The following METTL25B variants were observed in gnomAD, a reference collection of about 807,000 sequenced individuals.
The protein encoded by METTL25B is methyltransferase-like protein 25B.
A neutral mutation model predicts 48.4 loss-of-function variants in METTL25B; 38 were observed. That is an observed-to-expected ratio of 0.78 (90% CI 0.61 to 1.03). The LOEUF (loss-of-function observed/expected upper bound fraction) is 1.03, where lower values mean the gene tolerates loss of function less well. Among genes scored for constraint, METTL25B ranks in the 50% least tolerant of loss-of-function variants. The pLI is 0.00. For synonymous variants in METTL25B, 230 were observed against 254.5 expected (o/e 0.90, Z 0.92); for missense variants, 537 against 603.7 (o/e 0.89, Z 1.16).
rs1369809260 is a variant in METTL25B at position 156,736,566 on chromosome 1, C to T, written c.1307-66C>T. On this transcript the variant is annotated intron_variant, in intron 7 of 7. Transcript: ENST00000368216. ...GGGGAAAAGGGACTATGCCTACAGG[C>T]CTGGGCAGAAGAGGCTGAGTGAGTT... 1.1e-5 allele frequency: 17 copies of T among 1,596,072 alleles called. No individual in the cohort carries two copies. The East Asian group carries it at 3.8e-4, about 36-fold the overall frequency.
intron 1 of METTL25B, among the ~76,000 whole-genome samples, chr1:156,730,963 TG>T (rs1649237556): frequency 6.6e-6 from 1 of 152,270 alleles, no homozygotes; most frequent in Non-Finnish European, 1.5e-5. Flanking sequence ...TTTCTTTACA[TG>T]CCTAGCACCT....
intron 1 of METTL25B, among the ~76,000 whole-genome samples, chr1:156,731,427 G>A (rs1649278118): frequency 6.6e-6 from 1 of 152,196 alleles, no homozygotes; most frequent in Non-Finnish European, 1.5e-5. Context: ...CCCGGCCAAA[G>A]TTATTATTTT....
intron 1 of METTL25B, among the ~76,000 whole-genome samples, chr1:156,731,267 G>GCACA (rs369784149): frequency 5.3e-5 from 8 of 152,324 alleles, no homozygotes; most frequent in African/African-American, 1.9e-4. Context: ...GGGATTACAG[G>GCACA]CGTGTGCCAA....
chr1:156,731,636 C>G (rs760401455), intron 1 of METTL25B, among the ~76,000 whole-genome samples: 1 of 152,234 alleles, frequency 6.6e-6, no homozygotes, highest in Non-Finnish European at 1.5e-5. Flanking sequence ...GTGTCAGTCA[C>G]TCTGGTAAGT....
At chr1:156,731,367 G>C (rs1278346982) in intron 1 of METTL25B, among the ~76,000 whole-genome samples, 1 of 152,086 alleles carries the variant, frequency 6.6e-6, no homozygotes, top group Non-Finnish European at 1.5e-5. Flanking sequence ...CAGGTGATCT[G>C]CCCGCCTTGG....
intron 1 of METTL25B, 43 bp downstream of exon 1, chr1:156,729,258 G>T: frequency 8.3e-7 from 1 of 1,208,014 alleles, no homozygotes. Context: ...TGGTCGTGTG[G>T]TTGGCTAGGT....
chr1:156,734,418 T>C lies in METTL25B; in HGVS notation c.1046T>C (p.Ile349Thr). 2 of 1,611,198 alleles carry C rather than the reference T, an allele frequency of 1.2e-6. No individual in the cohort carries two copies. Among genetic ancestry groups the C allele is most frequent in the East Asian group, 2.2e-5 (1 of 44,716 alleles). ...TACCGTGCAGCACTGGAGACAGTCA[T>C]CCGACGGGCCCGGCCCGAGCTCCGT... Reference protein sequence around the residue: ...HCYRAALETVIRRARPELRRP... With the variant: ...HCYRAALETVTRRARPELRRP... Residue 349 changes from isoleucine to threonine, a missense_variant, in exon 6 of 8, where the codon ATC becomes ACC. Physicochemically the swap from Ile to Thr is moderately conservative, Grantham distance 89. Coordinates refer to ENST00000368216, the MANE Select transcript of METTL25B (RefSeq NM_015997.4).
intron 3 of METTL25B, 69 bp downstream of exon 3, chr1:156,732,542 A>T (rs897027915): frequency 4.1e-6 from 6 of 1,472,748 alleles, no homozygotes; most frequent in Non-Finnish European, 5.6e-6. Flanking sequence ...GCTTACAAAT[A>T]TGTGTGCCCT....
chr1:156,731,212 C>G (rs974517570), intron 1 of METTL25B, among the ~76,000 whole-genome samples: 3 of 152,228 alleles, frequency 2.0e-5, no homozygotes, highest in Non-Finnish European at 4.4e-5. Context: ...CAGCCTCTGC[C>G]TCCAGGGTTC....
Position 156,732,107 on chromosome 1 carries a change from G to C in METTL25B, c.228G>C (p.Glu76Asp), listed in dbSNP as rs772762703. Residue 76 changes from glutamate (E) to aspartate (D), a missense_variant, in exon 2 of 8, where the codon GAG (glutamate) becomes GAC (aspartate). Glu to Asp is a conservative substitution (Grantham distance 45). Transcript: ENST00000368216. ...TMLLGMPGEG[E>D]VVRYRSVWPL... The stretch of plus-strand genomic sequence containing the variant: ...TGCTGGGGATGCCTGGGGAAGGGGA[G>C]GTCGTCAGGTATGGGCTAGAAGGTC... 4 of 1,614,224 alleles carry C rather than the reference G, an allele frequency of 2.5e-6. No individual in the cohort carries two copies.
rs775087790 is a variant in METTL25B at position 156,734,354 on chromosome 1, C to A, written c.982C>A (p.Arg328=). 2 of 1,614,060 alleles carry A rather than the reference C, an allele frequency of 1.2e-6. No individual in the cohort carries two copies. The highest frequency in any genetic ancestry group is 8.5e-7 in the Non-Finnish European group (1 of 1,179,968). The stretch of plus-strand genomic sequence containing the variant: ...CCATGCCCTGGAGGAATATGCTGAG[C>A]GGCTACAGAAAGCTGGCCCTGGCCT... ...ACHALEEYAE[R]LQKAGPGLRT... Residue 328 remains arginine, a synonymous_variant, in exon 6 of 8, where the codon CGG becomes AGG. Transcript: ENST00000368216.
chr1:156,731,993 A>AT lies in METTL25B; in HGVS notation c.119dup (p.Thr41HisfsTer97), dbSNP rs1175628919. On this transcript the variant is annotated frameshift_variant, in exon 2 of 8. Coordinates refer to ENST00000368216, the MANE Select transcript of METTL25B (RefSeq NM_015997.4). LOFTEE classifies it high-confidence loss of function. ...TGGCTTCTCCCCTTCTTCTGTAGGA[A>AT]TTTTTCACAGACAACCTATGGGACA... The AT allele has an allele frequency of 5.0e-6, 8 of 1,613,888 alleles. No individual in the cohort carries two copies. The highest frequency in any genetic ancestry group is 6.8e-6 in the Non-Finnish European group (8 of 1,179,974).
At position 156,736,103 on chromosome 1, in the gene METTL25B, C is replaced by T. The variant is rs1649770328; in HGVS notation, c.1306+194C>T. 8.4e-6 allele frequency: 4 copies of T among 478,994 alleles called. No individual in the cohort carries two copies. In the South Asian group the frequency reaches 1.0e-4, roughly 12 times the overall value. 29.7% of individuals were successfully genotyped at this position (478,994 alleles called of 1,614,324 possible). Reference sequence around the variant, plus strand: ...AGAATCCAGGCTGGGTGCGGTGGCTCATGCCTATAATCCCAGCACTTTAGG... The same window carrying T: ...AGAATCCAGGCTGGGTGCGGTGGCTTATGCCTATAATCCCAGCACTTTAGG... On this transcript the variant is annotated intron_variant, in intron 7 of 7. Coordinates refer to ENST00000368216, the MANE Select transcript of METTL25B (RefSeq NM_015997.4).
At position 156,728,539 on chromosome 1, in the gene METTL25B, C is replaced by CCCGCA; in HGVS notation, c.-561_-557dup. The CCCGCA allele has an allele frequency of 1.0e-6, 1 of 985,658 alleles. No homozygotes were observed. Among genetic ancestry groups the CCCGCA allele is most frequent in the Non-Finnish European group, 1.2e-6 (1 of 829,922 alleles). The allele number at this position is 985,658 out of a possible 1,614,324, so 61.1% of individuals were successfully genotyped here. On this transcript the variant is annotated 5_prime_UTR_variant, in exon 1 of 8. Transcript: ENST00000368216. Reference sequence around the variant, plus strand: ...CGCGCCAGAGGTCGGCGCGCGCACACCCGCACCGCCCCGACCCCAGGTAGT... The same window carrying CCCGCA: ...CGCGCCAGAGGTCGGCGCGCGCACACCCGCACCGCACCGCCCCGACCCCAGGTAGT...
rs756349483 is a variant in METTL25B, at chr1:156,733,962, C to G, written c.637-47C>G. ...CCTGTGGCCTGAGGTGGCCTGGGGA[C>G]AGCAAACAGACTTCCCATCTGCCTT... On this transcript the variant is annotated intron_variant, in intron 5 of 7. Coordinates refer to ENST00000368216, the MANE Select transcript of METTL25B (RefSeq NM_015997.4). The G allele has an allele frequency of 1.9e-6, 3 of 1,548,738 alleles. No individual in the cohort carries two copies. In the South Asian group the frequency reaches 3.7e-5, roughly 19 times the overall value.
intron 1 of METTL25B, among the ~76,000 whole-genome samples, chr1:156,729,905 A>G (rs1160192946): frequency 6.6e-6 from 1 of 152,230 alleles, no homozygotes; most frequent in Non-Finnish European, 1.5e-5. Context: ...ACAAACCCAG[A>G]GGCCATCATT....
chr1:156,735,699 A>C, intron 6 of METTL25B, 26 bp from the exon 7 acceptor site: 1 of 1,555,994 alleles, frequency 6.4e-7, no homozygotes, highest in Non-Finnish European at 8.7e-7. Context: ...AACCAAACTG[A>C]GTGCTGAATG....
rs146477892 is a variant in METTL25B, at chr1:156,733,415, G to T, written c.531G>T (p.Leu177Phe). ...LSRFMALGLG[L>F]MVKSIEGDQR... ...GCTTCATGGCTCTTGGCCTGGGGTT[G>T]ATGGTGAAGAGCATCGAAGGGGATC... Residue 177 changes from leucine to phenylalanine, a missense_variant, in exon 5 of 8, where the codon TTG becomes TTT. Leu to Phe is a conservative substitution (Grantham distance 22). Transcript: ENST00000368216. 1.4e-5 allele frequency: 23 copies of T among 1,613,934 alleles called. No homozygotes were observed. The highest frequency in any genetic ancestry group is 1.9e-5 in the Non-Finnish European group (23 of 1,179,970).
chr1:156,732,058 AACC>A lies in METTL25B; in HGVS notation c.185_187del (p.Pro62del). 6.2e-7 allele frequency: 1 copy of A among 1,614,204 alleles called. No individual in the cohort carries two copies. Among genetic ancestry groups the A allele is most frequent in the South Asian group, 1.1e-5 (1 of 91,090 alleles). ...TGGCAGGAAGCATTGGATGGACTGAAACCACCACAGCTGGCCACAATGCTGCTG... is the reference window on the plus strand; with the variant it reads ...TGGCAGGAAGCATTGGATGGACTGAAACCACAGCTGGCCACAATGCTGCTG... On this transcript the variant is annotated inframe_deletion, in exon 2 of 8. Coordinates refer to ENST00000368216, the MANE Select transcript of METTL25B (RefSeq NM_015997.4).
Sources: allele counts gnomAD v4.1 joint callset (sites outside exome capture counted in the v4.1 genomes callset), GRCh38; gene constraint gnomAD v4.1.1; transcripts MANE v1.5; gene names NCBI Gene and HGNC (gene_info 2026-07-23, HGNC 2026-07-21).